NOC2L: variants seen among roughly 807,000 people sequenced by gnomAD.
The protein encoded by NOC2L is nucleolar complex protein 2 homolog.
In NOC2L, 101 loss-of-function variants were observed where a neutral mutation model predicts 94.2. The observed-to-expected ratio is 1.07, with a 90% CI of 0.91 to 1.26. The LOEUF is 1.26. NOC2L is among the 50% of genes most tolerant of loss of function. The pLI is 0.00. For synonymous variants in NOC2L, 531 were observed against 413.4 expected (o/e 1.28, Z -3.45); for missense variants, 1,076 against 980.1 (o/e 1.10, Z -1.31).
Position 944,338 on chromosome 1 carries a change from G to A in NOC2L, c.*356C>T. On this transcript the variant is annotated 3_prime_UTR_variant, in exon 19 of 19. Transcript: ENST00000327044. ...ACTTGGGGGAGTGAAGGCAGAGCCT[G>A]GTGCAGATGGACGAGGTCTGCAGAC... The A allele has an allele frequency of 1.4e-6, 2 of 1,379,526 alleles. No homozygotes were observed. Among genetic ancestry groups the A allele is most frequent in the East Asian group, 2.8e-5 (1 of 36,028 alleles). The allele number at this position is 1,379,526 out of a possible 1,614,324, so 85.5% of individuals were successfully genotyped here. A position where few individuals can be genotyped will look rare whatever the true frequency, so the allele number is the denominator to read the frequency against.
At chr1:945,883 G>T (rs1642094094) in intron 16 of NOC2L, among the ~76,000 whole-genome samples, 1 of 152,202 alleles carries the variant, frequency 6.6e-6, no homozygotes, top group African/African-American at 2.4e-5. Context: ...ATACTGGCCT[G>T]GGTGACGAGG....
chr1:945,197 A>G (rs1382588721), intron 17 of NOC2L, 51 bp from the exon 18 acceptor site: 13 of 1,546,664 alleles, frequency 8.4e-6, no homozygotes, highest in Non-Finnish European at 9.6e-6. Context: ...AGGGTCCACC[A>G]GCAAAGTCAC....
chr1:958,758 G>T (rs777172455), intron 2 of NOC2L, 171 bp downstream of exon 2: 1 of 751,938 alleles, frequency 1.3e-6, no homozygotes. Context: ...GTTTGGCACG[G>T]AACAGGAGCT....
At chr1:952,214 A>C in intron 10 of NOC2L, 75 bp from the exon 11 acceptor site, 1 of 1,548,080 alleles carries the variant, frequency 6.5e-7, no homozygotes, top group Non-Finnish European at 8.9e-7. Flanking sequence ...CTGGGCCGGC[A>C]CAGGAATCAT....
chr1:954,303 C>T (rs931990281), intron 6 of NOC2L: 23 of 532,770 alleles, frequency 4.3e-5, no homozygotes, highest in Middle Eastern at 9.2e-4. Flanking sequence ...TGGCCTTGAA[C>T]TCCTGTCTGC....
In NOC2L at chr1:944,718, A is replaced by G. The variant is rs1040315457; in HGVS notation, c.2226T>C (p.Asp742=). Residue 742 remains aspartate, a synonymous_variant, in exon 19 of 19, where the codon GAT becomes GAC. Coordinates refer to ENST00000327044, the MANE Select transcript of NOC2L (RefSeq NM_015658.4). ...LAQGPEDELE[D]LQLSEDD is the part of the protein sequence containing the mutation. ...CTCAGTCGTCCTCTGAGAGCTGCAG[A>G]TCCTCCAGCTCGTCCTCCGGCCCCT... 1.9e-6 allele frequency: 3 copies of G among 1,598,792 alleles called. No individual in the cohort carries two copies. The highest frequency in any genetic ancestry group is 2.5e-6 in the Non-Finnish European group (3 of 1,177,656).
intron 14 of NOC2L, 103 bp downstream of exon 14, chr1:948,028 C>A: frequency 1.1e-6 from 1 of 904,906 alleles, no homozygotes; most frequent in South Asian, 1.6e-5. Flanking sequence ...CCACCCCAGT[C>A]CCAGGTACCC....
chr1:952,373 C>T (rs1418993779), intron 10 of NOC2L, 39 bp downstream of exon 10: 7 of 1,605,604 alleles, frequency 4.4e-6, no homozygotes, highest in Non-Finnish European at 6.0e-6. Flanking sequence ...CTGCCCCACC[C>T]CATGCCCAGC....
chr1:949,615 G>A (rs1317042432), intron 12 of NOC2L, among the ~76,000 whole-genome samples: 1 of 152,226 alleles, frequency 6.6e-6, no homozygotes, highest in Non-Finnish European at 1.5e-5. Context: ...GTGCACAAGT[G>A]AAGAAACAGA....
At chr1:957,054 G>T (rs377180320) in intron 3 of NOC2L, 29 bp from the exon 4 acceptor site, 1 of 1,613,926 alleles carries the variant, frequency 6.2e-7, no homozygotes, top group African/African-American at 1.3e-5. Flanking sequence ...CTGAAGGAGA[G>T]TGTAGAGACA....
At chr1:946,063 G>A in intron 16 of NOC2L, 110 bp downstream of exon 16, 1 of 823,772 alleles carries the variant, frequency 1.2e-6, no homozygotes. Flanking sequence ...GCACGGCCCT[G>A]GCCGCCTGGC....
At position 952,614 on chromosome 1, in the gene NOC2L, C is replaced by T. The variant is rs765517894; in HGVS notation, c.1003-14G>A. 8.7e-6 allele frequency: 14 copies of T among 1,613,128 alleles called. No homozygotes were observed. Among genetic ancestry groups the T allele is most frequent in the African/African-American group, 6.7e-5 (5 of 74,908 alleles). On this transcript the variant is annotated splice_polypyrimidine_tract_variant and intron_variant, in intron 9 of 18. Transcript: ENST00000327044. ...GATGTACATTTGCTGCGGAGAGACC[C>T]GGGTCAGAGCCACCTGGGATCAGGG...
chr1:944,850 C>G (rs769777807), intron 18 of NOC2L, 50 bp from the exon 19 acceptor site: 15 of 1,391,280 alleles, frequency 1.1e-5, no homozygotes, highest in Non-Finnish European at 9.9e-7. Flanking sequence ...CAGGAAGAAG[C>G]CAGCCTTAGA....
At chr1:953,135 TGC>T (rs767110380) in intron 9 of NOC2L, 38 bp downstream of exon 9, 1 of 1,455,554 alleles carries the variant, frequency 6.9e-7, no homozygotes, top group Admixed American at 1.7e-5. Context: ...AGATTTCCAA[TGC>T]AGATGCTGAG....
chr1:950,217 C>T (rs1451192997), intron 12 of NOC2L, among the ~76,000 whole-genome samples: 1 of 152,050 alleles, frequency 6.6e-6, no homozygotes, highest in Non-Finnish European at 1.5e-5. Flanking sequence ...CACAGGTACA[C>T]ACGCACAGTA....
intron 14 of NOC2L, among the ~76,000 whole-genome samples, chr1:947,820 T>C (rs2100380381): frequency 6.6e-6 from 1 of 152,340 alleles, no homozygotes; most frequent in Middle Eastern, 3.4e-3. Flanking sequence ...CGTACCAGCC[T>C]GAGCCAGGGT....
Position 953,829 on chromosome 1 carries a change from C to T in NOC2L, c.841G>A (p.Val281Met). Reference protein sequence around the residue: ...AAVLRHISVLVPCFLTFPKQC... With the variant: ...AAVLRHISVLMPCFLTFPKQC... ...TTGGGGAAGGTCAGGAAGCAGGGCA[C>T]CAGCACGCTGATGTGCCGCAGCACG... The change falls in exon 8 of 19, where the codon GTG becomes ATG. Residue 281 changes from valine to methionine, a missense_variant. Val to Met is a conservative substitution (Grantham distance 21). Transcript: ENST00000327044. The T allele has an allele frequency of 6.2e-7, 1 of 1,613,068 alleles. No individual in the cohort carries two copies. Among genetic ancestry groups the T allele is most frequent in the Non-Finnish European group, 8.5e-7 (1 of 1,180,016 alleles).
intron 2 of NOC2L, chr1:958,638 T>A (rs1398158000): frequency 1.6e-6 from 1 of 624,742 alleles, no homozygotes; most frequent in Non-Finnish European, 3.0e-6. Context: ...CACTTATCTC[T>A]CTTCTACCGA....
intron 12 of NOC2L, 47 bp from the exon 13 acceptor site, chr1:948,650 C>T: frequency 6.0e-6 from 4 of 668,024 alleles, no homozygotes; most frequent in East Asian, 9.6e-5. Flanking sequence ...TGCCTGGTCA[C>T]CCTGGCTTCA....
Sources: gnomAD v4.1 joint callset for allele counts (sites outside exome capture counted in the v4.1 genomes callset) on GRCh38, gnomAD v4.1.1 for gene constraint, MANE v1.5 for transcripts, NCBI Gene and HGNC (gene_info 2026-07-23, HGNC 2026-07-21) for gene names.